The following ZKSCAN1 variants were observed in gnomAD, a reference collection of about 807,000 sequenced individuals.
ZKSCAN1 encodes zinc finger with KRAB and SCAN domains 1, also known as zinc finger protein with KRAB and SCAN domains 1.
ZKSCAN1 carries 14 observed loss-of-function variants against 51.6 expected under a neutral mutation model. The ratio of observed to expected loss-of-function variants is 0.27; its 90% CI spans 0.18 to 0.42. The LOEUF (loss-of-function observed/expected upper bound fraction) is 0.42. Among genes scored for constraint, ZKSCAN1 ranks in the 10% least tolerant of loss-of-function variants. The pLI is 1.00. For synonymous variants in ZKSCAN1, 263 were observed against 261.5 expected (o/e 1.01, Z -0.06); for missense variants, 531 against 710.0 (o/e 0.75, Z 2.86).
chr7:100,042,502 C>G (rs766648583), downstream of ZKSCAN1, among the ~76,000 whole-genome samples: 1 of 152,010 alleles, frequency 6.6e-6, no homozygotes, highest in African/African-American at 2.4e-5. Context: ...CTGACACTAC[C>G]TGTAACTGAT....
intron 3 of ZKSCAN1, 84 bp from the exon 4 acceptor site, chr7:100,029,777 C>T (rs959037284): frequency 2.3e-6 from 3 of 1,277,346 alleles, no homozygotes; most frequent in Non-Finnish European, 3.3e-6. Context: ...CATGCTGGTG[C>T]AGGAAGGAAC....
At position 100,023,661 on chromosome 7, in the gene ZKSCAN1, C is replaced by T. The variant is rs1258957468; in HGVS notation, c.155C>T (p.Pro52Leu). The T allele has an allele frequency of 6.2e-7, 1 of 1,614,182 alleles. No homozygotes were observed. Among genetic ancestry groups the T allele is most frequent in the Admixed American group, 1.7e-5 (1 of 60,030 alleles). The change falls in exon 2 of 6, where the codon CCA (proline) becomes CTA (leucine). Residue 52 changes from proline (P) to leucine (L), a missense_variant. Coordinates refer to ENST00000324306, the MANE Select transcript of ZKSCAN1 (RefSeq NM_003439.4). ...CTACAGGACACGCCTCCTCCAGACC[C>T]AGAGATATTCCGCCAACGCTTCAGG... is the stretch of plus-strand genomic sequence containing the variant. ...STLQDTPPPD[P>L]EIFRQRFRRF...
At position 100,023,918 on chromosome 7, in the gene ZKSCAN1, T is replaced by A. The variant is rs758323298; in HGVS notation, c.412T>A (p.Leu138Ile). 5.5e-5 allele frequency: 88 copies of A among 1,592,502 alleles called. 5 individuals carry two copies. The South Asian group carries it at 9.1e-4, about 17-fold the overall frequency. Reference sequence around the variant, plus strand: ...CCTTCTAGAAGACTTGGAGCTTGATTTATCAGGACAACAGGTAAAAAGAGG... The same window carrying A: ...CCTTCTAGAAGACTTGGAGCTTGATATATCAGGACAACAGGTAAAAAGAGG... ...VTLLEDLELD[L>I]SGQQVPGQVH... Residue 138 changes from leucine (L) to isoleucine (I), a missense_variant, in exon 2 of 6, where the codon TTA (leucine) becomes ATA (isoleucine). Coordinates refer to ENST00000324306, the MANE Select transcript of ZKSCAN1 (RefSeq NM_003439.4).
At chr7:100,025,213 G>A (rs999770399) in intron 3 of ZKSCAN1, among the ~76,000 whole-genome samples, 1 of 149,446 alleles carries the variant, frequency 6.7e-6, no homozygotes, top group African/African-American at 2.5e-5. Flanking sequence ...AGTATGTCAT[G>A]AATTATCTTC....
In ZKSCAN1 at chr7:100,036,823, T is replaced by A. The variant is rs1226929927; in HGVS notation, c.*2626T>A. 3.7e-5 allele frequency: 35 copies of A among 957,004 alleles called. No individual in the cohort carries two copies. The highest frequency in any genetic ancestry group is 4.1e-5 in the Non-Finnish European group (34 of 820,590). The allele number at this position is 957,004 out of a possible 1,614,324, so 59.3% of individuals were successfully genotyped here. On this transcript the variant is annotated 3_prime_UTR_variant, in exon 6 of 6. Transcript: ENST00000324306. ...GGAAAGGACTTTGGTCATGTTTACA[T>A]TGGCCTTTGGTTTTTTTTTTTCTTT...
rs775425363 is a variant in ZKSCAN1 at position 100,041,286 on chromosome 7, G to A, written c.*7089G>A. On this transcript the variant is annotated 3_prime_UTR_variant, in exon 6 of 6. Coordinates refer to ENST00000324306, the MANE Select transcript of ZKSCAN1 (RefSeq NM_003439.4). ...GGATTTTTTCATTTTACTAGGTTCC[G>A]AAGAGTCCAGATGCTTGGTAGATGT... 12 of 983,292 alleles carry A rather than the reference G, an allele frequency of 1.2e-5. No homozygotes were observed. Among genetic ancestry groups the A allele is most frequent in the South Asian group, 4.7e-5 (1 of 21,246 alleles). The allele number at this position is 983,292 out of a possible 1,614,324, so 60.9% of individuals were successfully genotyped here. A position where few individuals can be genotyped will look rare whatever the true frequency, so the allele number is the denominator to read the frequency against.
intron 2 of ZKSCAN1, 59 bp from the exon 3 acceptor site, chr7:100,024,095 A>G (rs1042036628): frequency 1.9e-6 from 3 of 1,558,352 alleles, no homozygotes; most frequent in Non-Finnish European, 2.6e-6. Flanking sequence ...CTGTTTTTAA[A>G]TATTTTAATT....
At chr7:100,022,983 G>T (rs1431031852) in intron 1 of ZKSCAN1, among the ~76,000 whole-genome samples, 3 of 152,070 alleles carry the variant, frequency 2.0e-5, no homozygotes, top group Non-Finnish European at 4.4e-5. Context: ...TGACAGTGGA[G>T]ATTGTACAGT....
downstream of ZKSCAN1, chr7:100,044,866 G>C: frequency 1.0e-6 from 1 of 985,242 alleles, no homozygotes. Flanking sequence ...GTTGTCATGC[G>C]CCAGAGGCTT....
downstream of ZKSCAN1, among the ~76,000 whole-genome samples, chr7:100,044,494 C>T (rs1052713591): frequency 2.0e-5 from 3 of 151,718 alleles, no homozygotes; most frequent in Non-Finnish European, 2.9e-5. Flanking sequence ...GGTGAAACTC[C>T]GTCTCTACTA....
chr7:100,035,912 A>T lies in ZKSCAN1; in HGVS notation c.*1715A>T. On this transcript the variant is annotated 3_prime_UTR_variant, in exon 6 of 6. Transcript: ENST00000324306. ...TAGGACAAGGGTCCTACCCAAGGCTAGGACCGCCCTGCGGAAACAGAAACA... is the reference window on the plus strand; with the variant it reads ...TAGGACAAGGGTCCTACCCAAGGCTTGGACCGCCCTGCGGAAACAGAAACA... 1 of 985,472 alleles carries T rather than the reference A, an allele frequency of 1.0e-6. No homozygotes were observed. The highest frequency in any genetic ancestry group is 1.2e-6 in the Non-Finnish European group (1 of 829,964). The allele number at this position is 985,472 out of a possible 1,614,324, so 61.0% of individuals were successfully genotyped here.
rs1258485801 is a variant in ZKSCAN1, at chr7:100,037,714, T to C, written c.*3517T>C. 1 of 985,284 alleles carries C rather than the reference T, an allele frequency of 1.0e-6. No individual in the cohort carries two copies. Among genetic ancestry groups the C allele is most frequent in the Admixed American group, 6.2e-5 (1 of 16,250 alleles). 61.0% of individuals were successfully genotyped at this position (985,284 alleles called of 1,614,324 possible). A position where few individuals can be genotyped will look rare whatever the true frequency, so the allele number is the denominator to read the frequency against. On this transcript the variant is annotated 3_prime_UTR_variant, in exon 6 of 6. Transcript: ENST00000324306. ...CCAATCGTGATGAATTTGAGAAACATTGCAAGAGGGAGCTCAATCTTGGCC... is the reference window on the plus strand; with the variant it reads ...CCAATCGTGATGAATTTGAGAAACACTGCAAGAGGGAGCTCAATCTTGGCC...
At position 100,038,738 on chromosome 7, in the gene ZKSCAN1, G is replaced by A. The variant is rs1009784013; in HGVS notation, c.*4541G>A. ...AGGCTGGGCACAGTGGCTCAGGCCT[G>A]TAATCCCAGCACTTTGGGAGACCAA... On this transcript the variant is annotated 3_prime_UTR_variant, in exon 6 of 6. Coordinates refer to ENST00000324306, the MANE Select transcript of ZKSCAN1 (RefSeq NM_003439.4). 4 of 985,348 alleles carry A rather than the reference G, an allele frequency of 4.1e-6. No homozygotes were observed. Among genetic ancestry groups the A allele is most frequent in the Admixed American group, 6.1e-5 (1 of 16,272 alleles). 61.0% of individuals were successfully genotyped at this position (985,348 alleles called of 1,614,324 possible).
At chr7:100,018,342 G>A (rs1160331453) in intron 1 of ZKSCAN1, among the ~76,000 whole-genome samples, 1 of 152,090 alleles carries the variant, frequency 6.6e-6, no homozygotes, top group Non-Finnish European at 1.5e-5. Context: ...AAAGAGGACT[G>A]CTCTTAATAA....
chr7:100,019,788 G>A (rs1403588538), intron 1 of ZKSCAN1, among the ~76,000 whole-genome samples: 4 of 151,536 alleles, frequency 2.6e-5, no homozygotes, highest in Admixed American at 6.6e-5. Context: ...TGCAGCCTCC[G>A]CCTCCCAGGT....
In ZKSCAN1 at chr7:100,037,523, G is replaced by A. The variant is rs80091244; in HGVS notation, c.*3326G>A. 2,060 of 985,452 alleles carry A rather than the reference G, an allele frequency of 2.1e-3. 30 individuals are homozygous for A. In the African/African-American group the frequency reaches 0.034, roughly 16 times the overall value. The allele number at this position is 985,452 out of a possible 1,614,324, so 61.0% of individuals were successfully genotyped here. On this transcript the variant is annotated 3_prime_UTR_variant, in exon 6 of 6. Transcript: ENST00000324306. ...GACATCAGAGAATTTATTCCAGAAA[G>A]GAGCCTCCTGAATGTGATGAATACG...
chr7:100,022,322 G>A (rs1323650512), intron 1 of ZKSCAN1, among the ~76,000 whole-genome samples: 1 of 152,222 alleles, frequency 6.6e-6, no homozygotes, highest in African/African-American at 2.4e-5. Flanking sequence ...CAAAGTTTTG[G>A]GATTATAGGC....
chr7:100,035,295 T>A lies in ZKSCAN1; in HGVS notation c.*1098T>A, dbSNP rs1313376217. On this transcript the variant is annotated 3_prime_UTR_variant, in exon 6 of 6. Coordinates refer to ENST00000324306, the MANE Select transcript of ZKSCAN1 (RefSeq NM_003439.4). ...TCTGATGCTGTTTTTGTTCCAAATA[T>A]AAACGAAAGGCACTAGTCAGCCGCC... 1 of 152,180 alleles carries A rather than the reference T, an allele frequency of 6.6e-6. No individual in the cohort carries two copies. Among genetic ancestry groups the A allele is most frequent in the Non-Finnish European group, 1.5e-5 (1 of 68,032 alleles). The allele number at this position is 152,180 out of a possible 1,614,324, so 9.4% of individuals were successfully genotyped here.
Position 100,037,912 on chromosome 7 carries a change from C to T in ZKSCAN1, c.*3715C>T, listed in dbSNP as rs900002173. The stretch of plus-strand genomic sequence containing the variant: ...GCGCACGCCTGTAGTCCCAGCTACT[C>T]GGGAGGCTGAGGCAGGAGAATGGCT... On this transcript the variant is annotated 3_prime_UTR_variant, in exon 6 of 6. Transcript: ENST00000324306. 1.8e-5 allele frequency: 13 copies of T among 737,988 alleles called. No individual in the cohort carries two copies. Among genetic ancestry groups the T allele is most frequent in the South Asian group, 1.2e-4 (2 of 16,244 alleles). 45.7% of individuals were successfully genotyped at this position (737,988 alleles called of 1,614,324 possible).
Sources: allele counts gnomAD v4.1 joint callset (sites outside exome capture counted in the v4.1 genomes callset), GRCh38; gene constraint gnomAD v4.1.1; transcripts MANE v1.5; gene names NCBI Gene and HGNC (gene_info 2026-07-23, HGNC 2026-07-21).